The following RARB variants were observed in gnomAD, a reference collection of about 807,000 sequenced individuals.
RARB encodes HBV-activated protein.
In RARB, 17 loss-of-function variants were observed where a neutral mutation model predicts 51.9. That is an observed-to-expected ratio of 0.33 (90% CI 0.22 to 0.49). RARB has a LOEUF of 0.49. Among genes scored for constraint, RARB ranks in the 20% least tolerant of loss-of-function variants. The probability of loss-of-function intolerance (pLI) is 0.99; values close to 1 mark genes in which losing one functional copy is unlikely to be tolerated. For synonymous variants in RARB, 215 were observed against 195.4 expected, an observed-to-expected ratio of 1.10 and a Z score of -0.84; for missense variants, 369 against 550.8, an observed-to-expected ratio of 0.67 and a Z score of 3.30.
chr3:24,910,571 C>T (rs963901318), intron 2 of RARB, among the ~76,000 whole-genome samples: 4 of 152,130 alleles, frequency 2.6e-5, no homozygotes, highest in Non-Finnish European at 5.9e-5. Flanking sequence ...TCCAATATCC[C>T]AGAGGCTCAA....
intron 2 of RARB, among the ~76,000 whole-genome samples, chr3:24,882,202 A>C (rs907590445): frequency 6.6e-6 from 1 of 152,230 alleles, no homozygotes; most frequent in African/African-American, 2.4e-5. Flanking sequence ...GATATAGCAG[A>C]ACAAGTAGCT....
At chr3:25,169,851 G>A (rs1424419170) in intron 4 of RARB, among the ~76,000 whole-genome samples, 1 of 151,960 alleles carries the variant, frequency 6.6e-6, no homozygotes, top group Non-Finnish European at 1.5e-5. Flanking sequence ...AGCTGGGCCT[G>A]GTGACACACA....
intron 3 of RARB, among the ~76,000 whole-genome samples, chr3:25,080,762 T>G (rs1698978337): frequency 6.6e-6 from 1 of 152,160 alleles, no homozygotes. Context: ...CTGAGTTGAC[T>G]TTTTGCTGAG....
At chr3:24,889,317 G>A (rs1482086346) in intron 2 of RARB, among the ~76,000 whole-genome samples, 1 of 152,100 alleles carries the variant, frequency 6.6e-6, no homozygotes, top group Non-Finnish European at 1.5e-5. Context: ...TTAACCTTAT[G>A]GCTTTAAGTC....
intron 2 of RARB, among the ~76,000 whole-genome samples, chr3:24,882,211 C>T (rs143006624): frequency 5.5e-4 from 83 of 152,148 alleles, no homozygotes; most frequent in African/African-American, 2.0e-3. Context: ...GAACAAGTAG[C>T]TAAGAGAGTT....
At chr3:25,205,783 C>T (rs375387671) in intron 5 of RARB, among the ~76,000 whole-genome samples, 4 of 151,778 alleles carry the variant, frequency 2.6e-5, no homozygotes, top group East Asian at 3.9e-4. Flanking sequence ...CACTCTGTTG[C>T]CCTAGCTGGA....
At chr3:24,901,910 C>T (rs1703615133) in intron 2 of RARB, among the ~76,000 whole-genome samples, 1 of 151,918 alleles carries the variant, frequency 6.6e-6, no homozygotes, top group South Asian at 2.1e-4. Flanking sequence ...TAAGTTGGTG[C>T]AAAATCAACT....
intron 5 of RARB, among the ~76,000 whole-genome samples, chr3:25,409,679 T>C (rs1464084976): frequency 6.6e-6 from 1 of 152,206 alleles, no homozygotes; most frequent in Non-Finnish European, 1.5e-5. Flanking sequence ...CAAAGGACTT[T>C]GTGTTGATGA....
chr3:25,484,594 A>G (rs908938821), intron 2 of RARB, among the ~76,000 whole-genome samples: 1 of 152,142 alleles, frequency 6.6e-6, no homozygotes, highest in African/African-American at 2.4e-5. Context: ...AAATTAATAT[A>G]ACATATGAAA....
chr3:25,135,840 G>C (rs964955303), intron 4 of RARB, among the ~76,000 whole-genome samples: 3 of 151,924 alleles, frequency 2.0e-5, no homozygotes, highest in South Asian at 4.1e-4. Flanking sequence ...GCTCAACTTA[G>C]GGCAAACTCC....
At chr3:25,215,565 G>A (rs913943470) in intron 5 of RARB, among the ~76,000 whole-genome samples, 5 of 152,130 alleles carry the variant, frequency 3.3e-5, no homozygotes, top group African/African-American at 4.8e-5. Context: ...AGTGCAGCAG[G>A]AGGAAGTTCT....
At chr3:25,223,350 T>G (rs17015978) in intron 5 of RARB, among the ~76,000 whole-genome samples, 15,797 of 152,296 alleles carry the variant, frequency 0.1, 1,013 homozygotes, top group South Asian at 0.26. Context: ...CATTAGGATT[T>G]ATTTTTATGA....
intron 2 of RARB, among the ~76,000 whole-genome samples, chr3:25,046,484 C>T (rs1460615963): frequency 6.6e-6 from 1 of 152,120 alleles, no homozygotes; most frequent in Non-Finnish European, 1.5e-5. Context: ...GACAGGGTCT[C>T]ACTCTGTCAC....
intron 3 of RARB, among the ~76,000 whole-genome samples, chr3:25,539,261 A>G (rs1470727533): frequency 6.6e-6 from 1 of 152,228 alleles, no homozygotes; most frequent in East Asian, 1.9e-4. Context: ...AGAATGTCTC[A>G]TGGTTGACAG....
chr3:25,026,780 A>G (rs570938701), intron 2 of RARB, among the ~76,000 whole-genome samples: 1 of 152,316 alleles, frequency 6.6e-6, no homozygotes, highest in East Asian at 1.9e-4. Context: ...TGTGGTATAA[A>G]TACTCCCACC....
At chr3:24,981,331 T>C (rs1474614631) in intron 2 of RARB, among the ~76,000 whole-genome samples, 1 of 152,188 alleles carries the variant, frequency 6.6e-6, no homozygotes, top group Non-Finnish European at 1.5e-5. Context: ...CTTAAGTCTG[T>C]AGAAGCTGTC....
chr3:24,954,287 C>T (rs1302540950), intron 2 of RARB, among the ~76,000 whole-genome samples: 1 of 152,132 alleles, frequency 6.6e-6, no homozygotes, highest in Admixed American at 6.5e-5. Flanking sequence ...CAAAATTCAT[C>T]ATGTGTCCAC....
chr3:24,957,609 T>A (rs1345262807), intron 2 of RARB, among the ~76,000 whole-genome samples: 3 of 152,246 alleles, frequency 2.0e-5, no homozygotes, highest in Non-Finnish European at 4.4e-5. Flanking sequence ...GTTATCCAGA[T>A]GCTTTGAGCC....
At chr3:25,023,849 T>C (rs551508240) in intron 2 of RARB, among the ~76,000 whole-genome samples, 2 of 152,288 alleles carry the variant, frequency 1.3e-5, no homozygotes, top group South Asian at 4.1e-4. Context: ...TAAAAAGTAA[T>C]ACATGCAGAA....
Sources: allele counts gnomAD v4.1 joint callset (sites outside exome capture counted in the v4.1 genomes callset), GRCh38; gene constraint gnomAD v4.1.1; transcripts MANE v1.5; gene names NCBI Gene and HGNC (gene_info 2026-07-23, HGNC 2026-07-21).